CTNNA3: variants seen among roughly 807,000 people sequenced by gnomAD.
CTNNA3 encodes catenin alpha-3.
Under a neutral mutation model 95.7 loss-of-function variants are expected in CTNNA3, and 76 were observed. The observed-to-expected ratio is 0.79, with a 90% CI of 0.66 to 0.96. The LOEUF is 0.96. CTNNA3 is among the 40% of genes least tolerant of loss of function. CTNNA3 has a pLI of 0.00. For synonymous variants in CTNNA3, 431 were observed against 374.4 expected, an observed-to-expected ratio of 1.15 and a Z score of -1.74; for missense variants, 1,191 against 1,089.8, an observed-to-expected ratio of 1.09 and a Z score of -1.31.
intron 11 of CTNNA3, among the ~76,000 whole-genome samples, chr10:66,472,822 C>T (rs544323936): frequency 1.3e-5 from 2 of 151,784 alleles, no homozygotes; most frequent in Non-Finnish European, 2.9e-5. Flanking sequence ...TTTCAAAACA[C>T]AAAAATATAG....
At chr10:66,103,320 G>A in intron 13 of CTNNA3, 71 bp from the exon 14 acceptor site, 1 of 1,197,260 alleles carries the variant, frequency 8.4e-7, no homozygotes, top group Non-Finnish European at 1.2e-6. Flanking sequence ...CAACGCGGCA[G>A]TACCTTAAAA....
intron 7 of CTNNA3, among the ~76,000 whole-genome samples, chr10:66,997,848 C>T (rs975696703): frequency 2.0e-5 from 3 of 152,120 alleles, no homozygotes; most frequent in Non-Finnish European, 4.4e-5. Flanking sequence ...CAGAAGCCTA[C>T]AGTCATCCAT....
intron 16 of CTNNA3, among the ~76,000 whole-genome samples, chr10:65,978,254 A>G (rs904191968): frequency 3.3e-5 from 5 of 152,092 alleles, no homozygotes; most frequent in African/African-American, 9.7e-5. Flanking sequence ...TCTTACTGAG[A>G]TCACTAATGG....
chr10:66,260,829 C>T (rs1387521105), intron 13 of CTNNA3, among the ~76,000 whole-genome samples: 4 of 152,046 alleles, frequency 2.6e-5, no homozygotes, highest in African/African-American at 9.7e-5. Flanking sequence ...ATTAATCTCT[C>T]ACACTTCCAT....
intron 5 of CTNNA3, among the ~76,000 whole-genome samples, chr10:67,262,299 T>C (rs994544792): frequency 3.3e-5 from 5 of 152,190 alleles, no homozygotes; most frequent in South Asian, 2.1e-4. Context: ...TAATTTTATA[T>C]GCAGGATCAA....
At chr10:66,014,221 C>G (rs1241265410) in intron 15 of CTNNA3, among the ~76,000 whole-genome samples, 1 of 152,030 alleles carries the variant, frequency 6.6e-6, no homozygotes, top group Non-Finnish European at 1.5e-5. Flanking sequence ...GTTTTGGGTG[C>G]ATTTAAGCTC....
At chr10:66,409,481 C>G (rs559305610) in intron 11 of CTNNA3, among the ~76,000 whole-genome samples, 1 of 151,932 alleles carries the variant, frequency 6.6e-6, no homozygotes, top group Non-Finnish European at 1.5e-5. Flanking sequence ...TGTGGGGAAA[C>G]CAGGAGAGAT....
At chr10:66,926,261 G>GA (rs1554880330) in intron 7 of CTNNA3, 30 of 413,540 alleles carry the variant, frequency 7.3e-5, no homozygotes, top group Non-Finnish European at 1.3e-4. Flanking sequence ...GTAGGATCCA[G>GA]TTTTTTTTTT....
chr10:65,940,212 G>A (rs2077408054), intron 17 of CTNNA3, among the ~76,000 whole-genome samples: 1 of 152,158 alleles, frequency 6.6e-6, no homozygotes, highest in Non-Finnish European at 1.5e-5. Flanking sequence ...AATGTGGAAT[G>A]TACTTACCTC....
At chr10:67,692,348 T>C (rs1447960902) in intron 1 of CTNNA3, among the ~76,000 whole-genome samples, 1 of 146,262 alleles carries the variant, frequency 6.8e-6, no homozygotes, top group Non-Finnish European at 1.5e-5. Flanking sequence ...GCCGTGTCTG[T>C]GTAGAAAGAG....
At chr10:66,478,526 T>C (rs1839404782) in intron 11 of CTNNA3, among the ~76,000 whole-genome samples, 1 of 151,932 alleles carries the variant, frequency 6.6e-6, no homozygotes, top group African/African-American at 2.4e-5. Flanking sequence ...TAATTTCATA[T>C]GTAAACAAAT....
At chr10:66,806,692 G>T (rs1289551105) in intron 7 of CTNNA3, among the ~76,000 whole-genome samples, 1 of 148,830 alleles carries the variant, frequency 6.7e-6, no homozygotes, top group South Asian at 2.1e-4. Context: ...AAATATAGAT[G>T]GAAATATATT....
intron 13 of CTNNA3, among the ~76,000 whole-genome samples, chr10:66,259,983 A>G (rs1417155398): frequency 6.6e-6 from 1 of 152,102 alleles, no homozygotes; most frequent in Non-Finnish European, 1.5e-5. Context: ...GTTGGGGCTT[A>G]GGAACTGATA....
chr10:67,302,541 C>T (rs1415598077), intron 5 of CTNNA3, among the ~76,000 whole-genome samples: 1 of 152,104 alleles, frequency 6.6e-6, no homozygotes, highest in Admixed American at 6.6e-5. Context: ...TAAATATAAA[C>T]AATTGTTGTC....
chr10:67,035,618 T>C (rs568839854), intron 7 of CTNNA3, among the ~76,000 whole-genome samples: 99 of 152,234 alleles, frequency 6.5e-4, no homozygotes, highest in African/African-American at 2.3e-3. Context: ...AGCAGAAATA[T>C]AAGGAAAATT....
At chr10:66,830,800 A>G (rs143428750) in intron 7 of CTNNA3, among the ~76,000 whole-genome samples, 27,166 of 151,624 alleles carry the variant, frequency 0.18, 3,078 homozygotes, top group East Asian at 0.43. Context: ...TAGTAGAGAC[A>G]GGGTTTCACC....
chr10:66,481,547 C>A (rs1343625863), intron 11 of CTNNA3, among the ~76,000 whole-genome samples: 1 of 136,466 alleles, frequency 7.3e-6, no homozygotes, highest in Non-Finnish European at 1.5e-5. Flanking sequence ...TCTCGGCTCA[C>A]TGCAAGCTCC....
intron 11 of CTNNA3, among the ~76,000 whole-genome samples, chr10:66,416,542 T>A (rs1192360469): frequency 9.0e-6 from 1 of 111,638 alleles, no homozygotes; most frequent in Non-Finnish European, 1.8e-5. Context: ...ATAGAGAATT[T>A]TTTTTTTTAA....
chr10:66,752,600 G>T (rs879828062), intron 9 of CTNNA3, among the ~76,000 whole-genome samples: 2 of 151,946 alleles, frequency 1.3e-5, no homozygotes, highest in African/African-American at 2.4e-5. Flanking sequence ...GAAATTAAAT[G>T]TTCTGCCATG....
Sources: gnomAD v4.1 joint callset for allele counts (sites outside exome capture counted in the v4.1 genomes callset) on GRCh38, gnomAD v4.1.1 for gene constraint, MANE v1.5 for transcripts, NCBI Gene and HGNC (gene_info 2026-07-23, HGNC 2026-07-21) for gene names.